The following MSI2 variants were observed in gnomAD, a reference collection of about 807,000 sequenced individuals.
The protein encoded by MSI2 is musashi RNA binding protein 2.
Under a neutral mutation model 45.6 loss-of-function variants are expected in MSI2, and 17 were observed. That is an observed-to-expected ratio of 0.37 (90% CI 0.26 to 0.56). The LOEUF is 0.56. MSI2 is among the 20% of genes least tolerant of loss of function. The pLI, the probability that MSI2 is intolerant of heterozygous loss-of-function variation, is 0.77. For missense variants in MSI2, 293 were observed against 444.2 expected, an observed-to-expected ratio of 0.66 and a Z score of 3.06; for synonymous variants, 156 against 158.2, an observed-to-expected ratio of 0.99 and a Z score of 0.11.
chr17:57,404,716 G>T (rs2084051938), intron 6 of MSI2, among the ~76,000 whole-genome samples: 1 of 152,118 alleles, frequency 6.6e-6, no homozygotes, highest in Non-Finnish European at 1.5e-5. Flanking sequence ...ATCAAGATGG[G>T]TAAGACTGCT....
chr17:57,556,538 C>T (rs1010812267), intron 7 of MSI2, among the ~76,000 whole-genome samples: 5 of 152,162 alleles, frequency 3.3e-5, no homozygotes, highest in Admixed American at 2.0e-4. Context: ...GAGGTCAGGG[C>T]GTCCAGTGAC....
intron 10 of MSI2, among the ~76,000 whole-genome samples, chr17:57,633,783 G>A (rs1598477414): frequency 1.3e-5 from 2 of 152,174 alleles, no homozygotes; most frequent in African/African-American, 4.8e-5. Context: ...ACATGTGCAT[G>A]AATGTGCCTT....
At chr17:57,565,347 T>C (rs567926484) in intron 7 of MSI2, among the ~76,000 whole-genome samples, 1 of 152,342 alleles carries the variant, frequency 6.6e-6, no homozygotes, top group East Asian at 1.9e-4. Flanking sequence ...TTCCCTGATC[T>C]TGAGTCACCT....
At chr17:57,500,410 T>C (rs1054788973) in intron 6 of MSI2, among the ~76,000 whole-genome samples, 10 of 151,554 alleles carry the variant, frequency 6.6e-5, no homozygotes, top group East Asian at 1.9e-4. Flanking sequence ...TTTTTTTTTT[T>C]TCTCTTTCTC....
chr17:57,338,238 G>A lies in MSI2; in HGVS notation c.313-63141G>A, dbSNP rs551158361. The stretch of plus-strand genomic sequence containing the variant: ...TGAGTAGCTGGGATTACAGGTGTGC[G>A]CCACTATGCCCAGCTAAATTTCTGT... On this transcript the variant is annotated intron_variant, in intron 5 of 13. Transcript: ENST00000284073. Among the ~76,000 whole-genome samples, 17 of 152,118 alleles carry A rather than the reference G, an allele frequency of 1.1e-4. No homozygotes were observed. In the South Asian group the frequency reaches 3.1e-3, roughly 28 times the overall value.
intron 5 of MSI2, among the ~76,000 whole-genome samples, chr17:57,370,995 A>T (rs778563467): frequency 1.3e-5 from 2 of 152,240 alleles, no homozygotes; most frequent in Non-Finnish European, 2.9e-5. Flanking sequence ...GAATCCTGTA[A>T]GGTCAATTAT....
At chr17:57,452,202 G>A (rs963366411) in intron 6 of MSI2, among the ~76,000 whole-genome samples, 1 of 152,246 alleles carries the variant, frequency 6.6e-6, no homozygotes, top group South Asian at 2.1e-4. Context: ...GCTGGTGTCT[G>A]GGAGGCAGGT....
intron 5 of MSI2, among the ~76,000 whole-genome samples, chr17:57,322,462 T>C (rs73325404): frequency 0.056 from 8,546 of 152,262 alleles, 839 homozygotes; most frequent in African/African-American, 0.19. Context: ...GAAACTATTT[T>C]TGGCCATTTG....
intron 9 of MSI2, among the ~76,000 whole-genome samples, chr17:57,621,461 A>G (rs918552028): frequency 1.3e-5 from 2 of 152,240 alleles, no homozygotes; most frequent in African/African-American, 4.8e-5. Flanking sequence ...TATTTATTAA[A>G]TGAGTACCTA....
intron 6 of MSI2, among the ~76,000 whole-genome samples, chr17:57,454,546 C>T (rs1468963379): frequency 6.6e-6 from 1 of 151,008 alleles, no homozygotes; most frequent in African/African-American, 2.4e-5. Flanking sequence ...AGGCGATTCT[C>T]CTGCCTCAGC....
intron 11 of MSI2, among the ~76,000 whole-genome samples, chr17:57,667,495 C>T (rs1912454014): frequency 6.6e-6 from 1 of 152,164 alleles, no homozygotes. Flanking sequence ...ACAAGCAGGA[C>T]AAGCCCCGTG....
intron 5 of MSI2, among the ~76,000 whole-genome samples, chr17:57,273,464 A>ATTTT (rs752793064): frequency 9.9e-6 from 1 of 100,788 alleles, no homozygotes; most frequent in African/African-American, 3.7e-5. Flanking sequence ...GTTAAAAATG[A>ATTTT]TTTTTTTTTT....
At chr17:57,391,880 G>A (rs762304389) in intron 5 of MSI2, among the ~76,000 whole-genome samples, 1 of 152,236 alleles carries the variant, frequency 6.6e-6, no homozygotes, top group Non-Finnish European at 1.5e-5. Flanking sequence ...TAATACCACT[G>A]TTGTAAAAGA....
In MSI2 at chr17:57,430,531, C is replaced by T. The variant is rs572181280; in HGVS notation, c.405+29060C>T. Among the ~76,000 whole-genome samples, 31 of 152,326 alleles carry T rather than the reference C, an allele frequency of 2.0e-4. No homozygotes were observed. In the East Asian group the frequency reaches 5.8e-3, roughly 28 times the overall value. ...CAGGACAGCTGTTCCTTCATTCACT[C>T]AAAAGTTCTCGTTAATATGCATGCC... On this transcript the variant is annotated intron_variant, in intron 6 of 13. Coordinates refer to ENST00000284073, the MANE Select transcript of MSI2 (RefSeq NM_138962.4).
chr17:57,305,835 CA>C (rs1190476456), intron 5 of MSI2, among the ~76,000 whole-genome samples: 2 of 152,178 alleles, frequency 1.3e-5, no homozygotes, highest in Non-Finnish European at 2.9e-5. Flanking sequence ...ACATGACCCA[CA>C]AGGTACTGTG....
At chr17:57,420,297 G>A (rs1321116136) in intron 6 of MSI2, among the ~76,000 whole-genome samples, 1 of 152,194 alleles carries the variant, frequency 6.6e-6, no homozygotes, top group Non-Finnish European at 1.5e-5. Flanking sequence ...GACGTTCGGG[G>A]CAGTCTGAAA....
At chr17:57,589,512 A>G (rs1393485250) in intron 7 of MSI2, among the ~76,000 whole-genome samples, 3 of 152,244 alleles carry the variant, frequency 2.0e-5, no homozygotes, top group Middle Eastern at 3.4e-3. Context: ...GCCATAGCTC[A>G]TGGAGGTGAC....
chr17:57,565,559 C>G (rs116604043), intron 7 of MSI2, among the ~76,000 whole-genome samples: 2,231 of 152,302 alleles, frequency 0.015, 48 homozygotes, highest in African/African-American at 0.05. Flanking sequence ...TTGTCCTGCT[C>G]CATCACAGCC....
chr17:57,690,264 A>G, the MSI2 span, among the ~76,000 whole-genome samples: 1 of 151,794 alleles, frequency 6.6e-6, no homozygotes, highest in Non-Finnish European at 1.5e-5. Context: ...CATGTTATCA[A>G]CATCTGGATA....
Sources: allele counts gnomAD v4.1 joint callset (sites outside exome capture counted in the v4.1 genomes callset), GRCh38; gene constraint gnomAD v4.1.1; transcripts MANE v1.5; gene names NCBI Gene and HGNC (gene_info 2026-07-23, HGNC 2026-07-21).